The following PRKCA variants were observed in gnomAD, a reference collection of about 807,000 sequenced individuals.
PRKCA encodes the protein protein kinase C alpha, also known as protein kinase C alpha type.
Under a neutral mutation model 87.0 loss-of-function variants are expected in PRKCA, and 27 were observed. The observed-to-expected ratio is 0.31, with a 90% CI of 0.23 to 0.43. The LOEUF (loss-of-function observed/expected upper bound fraction) is 0.43, where lower values mean the gene tolerates loss of function less well. PRKCA is among the 20% of genes least tolerant of loss of function. The pLI, the probability that PRKCA is intolerant of heterozygous loss-of-function variation, is 1.00. For synonymous variants in PRKCA, 329 were observed against 311.1 expected (o/e 1.06, Z -0.61); for missense variants, 518 against 852.3 (o/e 0.61, Z 4.88).
intron 5 of PRKCA, among the ~76,000 whole-genome samples, chr17:66,664,367 C>G (rs1294355813): frequency 2.0e-5 from 3 of 152,202 alleles, no homozygotes; most frequent in African/African-American, 7.2e-5. Flanking sequence ...CAAGGCCACC[C>G]CATCATTTCC....
chr17:66,355,899 A>G (rs1908016217), intron 2 of PRKCA, among the ~76,000 whole-genome samples: 1 of 152,194 alleles, frequency 6.6e-6, no homozygotes, highest in Non-Finnish European at 1.5e-5. Flanking sequence ...CAGTATGATT[A>G]AAGTGATGTT....
In PRKCA at chr17:66,786,931, A is replaced by G. The variant is rs2144378577; in HGVS notation, c.1670A>G (p.Tyr557Cys). ...TCTATCATGGAGCACAACGTTTCCT[A>G]TCCAAAATCCTTGTCCAAGGAGGCT... Reference protein sequence around the residue: ...FQSIMEHNVSYPKSLSKEAVS... With the variant: ...FQSIMEHNVSCPKSLSKEAVS... The change falls in exon 15 of 17, where the codon TAT (tyrosine) becomes TGT (cysteine). Residue 557 changes from tyrosine (Y) to cysteine (C), a missense_variant. Tyr to Cys is a radical substitution (Grantham distance 194). This residue lies in a region of PRKCA where 159 missense variants were observed against 232.4 expected (regional missense o/e 0.68). Transcript: ENST00000413366. 1.2e-6 allele frequency: 2 copies of G among 1,614,140 alleles called. No individual in the cohort carries two copies. The highest frequency in any genetic ancestry group is 1.3e-5 in the African/African-American group (1 of 75,052).
intron 16 of PRKCA, among the ~76,000 whole-genome samples, chr17:66,794,703 C>T (rs1330085206): frequency 6.6e-6 from 1 of 151,424 alleles, no homozygotes; most frequent in Non-Finnish European, 1.5e-5. Context: ...TCACTGCAAC[C>T]TCCACCTCCC....
chr17:66,348,989 C>T (rs540493177), intron 2 of PRKCA, among the ~76,000 whole-genome samples: 67 of 152,232 alleles, frequency 4.4e-4, no homozygotes, highest in Non-Finnish European at 8.4e-4. Context: ...TTCATAAAAC[C>T]TTTCTGTTCT....
At chr17:66,582,345 G>A (rs8072339) in intron 3 of PRKCA, among the ~76,000 whole-genome samples, 1 of 151,908 alleles carries the variant, frequency 6.6e-6, no homozygotes, top group African/African-American at 2.4e-5. Context: ...TTGATATAGT[G>A]TGGCTGTGTC....
intron 3 of PRKCA, among the ~76,000 whole-genome samples, chr17:66,589,658 G>GT (rs1273828676): frequency 3.3e-5 from 5 of 152,162 alleles, no homozygotes; most frequent in Admixed American, 2.6e-4. Flanking sequence ...CAGGTGTTTA[G>GT]CATAATGGGG....
intron 2 of PRKCA, among the ~76,000 whole-genome samples, chr17:66,446,950 C>T: frequency 6.6e-6 from 1 of 152,164 alleles, no homozygotes; most frequent in African/African-American, 2.4e-5. Flanking sequence ...TTTTGTCACC[C>T]AGCGATTTCT....
At chr17:66,546,927 T>G (rs1431316206) in intron 3 of PRKCA, among the ~76,000 whole-genome samples, 2 of 152,192 alleles carry the variant, frequency 1.3e-5, no homozygotes, top group Non-Finnish European at 2.9e-5. Context: ...ACAGTTTACT[T>G]GTATTTCCCC....
Position 66,399,165 on chromosome 17 carries a change from C to T in PRKCA, c.205+93038C>T, listed in dbSNP as rs78531136. 4.0e-3 allele frequency among the ~76,000 whole-genome samples: 573 copies of T among 144,756 alleles called. 13 individuals are homozygous for T. The East Asian group carries it at 0.049, about 12-fold the overall frequency. The allele number at this position is 144,756 out of a possible 152,430, so 95.0% of individuals were successfully genotyped here. ...CCGGGCTGGAGTACAGTGGTGCGATCGCGGCTCGCTGTACCCTCAACCTCC... is the reference window on the plus strand; with the variant it reads ...CCGGGCTGGAGTACAGTGGTGCGATTGCGGCTCGCTGTACCCTCAACCTCC... On this transcript the variant is annotated intron_variant, in intron 2 of 16. Transcript: ENST00000413366.
intron 3 of PRKCA, among the ~76,000 whole-genome samples, chr17:66,602,941 T>A (rs866206116): frequency 1.2e-4 from 18 of 152,294 alleles, no homozygotes; most frequent in South Asian, 2.1e-4. Context: ...GGAAGCCCAC[T>A]AGGAGGACTC....
At chr17:66,553,889 G>C (rs774124153) in intron 3 of PRKCA, among the ~76,000 whole-genome samples, 5 of 152,210 alleles carry the variant, frequency 3.3e-5, no homozygotes, top group Non-Finnish European at 5.9e-5. Context: ...TGTGGCCGGG[G>C]TGATCCAGAG....
rs529830689 is a variant in PRKCA, at chr17:66,639,243, T to G, written c.289-2112T>G. The stretch of plus-strand genomic sequence containing the variant: ...TAGGTACATGTTGAATATGAAATTG[T>G]TTTATAGTTCCAATAGAACAGTAGA... On this transcript the variant is annotated intron_variant, in intron 3 of 16. Coordinates refer to ENST00000413366, the MANE Select transcript of PRKCA (RefSeq NM_002737.3). 3 of 152,318 alleles carry G rather than the reference T, an allele frequency of 2.0e-5. No homozygotes were observed. The South Asian group carries it at 6.2e-4, about 32-fold the overall frequency. 9.4% of individuals were successfully genotyped at this position (152,318 alleles called of 1,614,324 possible). A position where few individuals can be genotyped will look rare whatever the true frequency, so the allele number is the denominator to read the frequency against.
At chr17:66,460,831 C>G (rs967591734) in intron 2 of PRKCA, among the ~76,000 whole-genome samples, 2 of 152,112 alleles carry the variant, frequency 1.3e-5, no homozygotes, top group Non-Finnish European at 2.9e-5. Flanking sequence ...AGAGGTTGGT[C>G]GCAGACACAG....
chr17:66,393,478 C>G (rs148961477), intron 2 of PRKCA, among the ~76,000 whole-genome samples: 5 of 152,258 alleles, frequency 3.3e-5, no homozygotes, highest in African/African-American at 1.2e-4. Flanking sequence ...CCAAAACACT[C>G]CCCAAATGTG....
At chr17:66,649,993 G>A (rs1971549329) in intron 5 of PRKCA, among the ~76,000 whole-genome samples, 1 of 152,144 alleles carries the variant, frequency 6.6e-6, no homozygotes, top group Non-Finnish European at 1.5e-5. Flanking sequence ...TTAGCCTGGT[G>A]GTGGCTTTCA....
At chr17:66,692,809 T>A (rs1972819399) in intron 8 of PRKCA, among the ~76,000 whole-genome samples, 1 of 152,182 alleles carries the variant, frequency 6.6e-6, no homozygotes, top group South Asian at 2.1e-4. Flanking sequence ...CCAGTAACAG[T>A]TTGATTCAGC....
At chr17:66,736,529 C>T (rs556396192) in intron 10 of PRKCA, among the ~76,000 whole-genome samples, 38 of 151,988 alleles carry the variant, frequency 2.5e-4, no homozygotes, top group Non-Finnish European at 4.7e-4. Flanking sequence ...CCACCCGCCT[C>T]GGCCTCCCAA....
intron 2 of PRKCA, among the ~76,000 whole-genome samples, chr17:66,370,792 C>T (rs997223972): frequency 6.6e-6 from 1 of 151,994 alleles, no homozygotes; most frequent in African/African-American, 2.4e-5. Context: ...TCAAGCGATC[C>T]ACCACTGCCC....
At chr17:66,780,409 G>T (rs1481814324) in intron 14 of PRKCA, among the ~76,000 whole-genome samples, 1 of 152,176 alleles carries the variant, frequency 6.6e-6, no homozygotes, top group South Asian at 2.1e-4. Flanking sequence ...GGGTACGGTG[G>T]TTCACACCTA....
Sources: gnomAD v4.1 joint callset for allele counts (sites outside exome capture counted in the v4.1 genomes callset) on GRCh38, gnomAD v4.1.1 for gene constraint, gnomAD v4.1.1 regional missense constraint, MANE v1.5 for transcripts, NCBI Gene and HGNC (gene_info 2026-07-23, HGNC 2026-07-21) for gene names.